The following RNF175 variants were observed in gnomAD, a reference collection of about 807,000 sequenced individuals.
RNF175 encodes ring finger protein 175.
RNF175 carries 38 observed loss-of-function variants against 50.0 expected under a neutral mutation model. That is an observed-to-expected ratio of 0.76 (90% CI 0.59 to 1.00). The LOEUF (loss-of-function observed/expected upper bound fraction) is 1.00, where lower values mean the gene tolerates loss of function less well. Among genes scored for constraint, RNF175 ranks in the 50% least tolerant of loss-of-function variants. The probability of loss-of-function intolerance (pLI) is 0.00; values close to 1 mark genes in which losing one functional copy is unlikely to be tolerated. For missense variants in RNF175, 388 were observed against 409.6 expected (o/e 0.95, Z 0.46); for synonymous variants, 155 against 146.1 (o/e 1.06, Z -0.44).
At chr4:153,755,486 CA>C (rs946286780) in intron 1 of RNF175, among the ~76,000 whole-genome samples, 1 of 151,602 alleles carries the variant, frequency 6.6e-6, no homozygotes, top group Non-Finnish European at 1.5e-5. Flanking sequence ...GAAAAACAAC[CA>C]AAAGCTCTTA....
intron 3 of RNF175, among the ~76,000 whole-genome samples, chr4:153,745,147 C>A (rs977200284): frequency 6.6e-6 from 1 of 152,178 alleles, no homozygotes; most frequent in African/African-American, 2.4e-5. Flanking sequence ...CCCTTTGCAA[C>A]ACTTCTCCAT....
At chr4:153,757,761 T>G (rs895762484) in intron 1 of RNF175, among the ~76,000 whole-genome samples, 2 of 151,924 alleles carry the variant, frequency 1.3e-5, no homozygotes, top group African/African-American at 2.4e-5. Context: ...GTCTCTGCTC[T>G]CACACTCCAA....
chr4:153,746,689 C>T (rs114095068), intron 3 of RNF175, among the ~76,000 whole-genome samples: 1,807 of 152,330 alleles, frequency 0.012, 40 homozygotes, highest in African/African-American at 0.039. Flanking sequence ...ATCCCCACCC[C>T]GAAGGGCTCC....
chr4:153,759,766 G>A, intron 1 of RNF175, 31 bp downstream of exon 1: 3 of 1,423,274 alleles, frequency 2.1e-6, no homozygotes, highest in Non-Finnish European at 2.8e-6. Context: ...CCGGCCTGGC[G>A]TCCCCCACGC....
At chr4:153,730,210 G>A (rs931569149) in intron 3 of RNF175, among the ~76,000 whole-genome samples, 19 of 152,056 alleles carry the variant, frequency 1.2e-4, no homozygotes, top group South Asian at 2.1e-4. Context: ...TTTGGGAGGC[G>A]GGGGTGGATG....
chr4:153,720,069 A>G, intron 6 of RNF175, 115 bp downstream of exon 6: 1 of 1,054,330 alleles, frequency 9.5e-7, no homozygotes, highest in Non-Finnish European at 1.3e-6. Flanking sequence ...AAAGGAAACA[A>G]TAATCAGTAT....
At chr4:153,730,444 G>A (rs150625743) in intron 3 of RNF175, among the ~76,000 whole-genome samples, 1,860 of 151,900 alleles carry the variant, frequency 0.012, 22 homozygotes, top group Non-Finnish European at 0.018. Flanking sequence ...AAAAAAAGTG[G>A]GTAGCACCTT....
chr4:153,748,446 C>T lies in RNF175; in HGVS notation c.246+199G>A, dbSNP rs78807852. 5.3e-3 allele frequency: 2,518 copies of T among 475,884 alleles called. 15 individuals carry two copies. Among genetic ancestry groups the T allele is most frequent in the Non-Finnish European group, 7.7e-3 (2,120 of 276,278 alleles). 29.5% of individuals were successfully genotyped at this position (475,884 alleles called of 1,614,324 possible). A position where few individuals can be genotyped will look rare whatever the true frequency, so the allele number is the denominator to read the frequency against. ...AACTCCCCTCCCCCTTTTCACCCCC[C>T]ACAAGTCTTGACAGTCAAAAATGTT... On this transcript the variant is annotated intron_variant, in intron 3 of 8. Transcript: ENST00000347063.
chr4:153,740,166 A>AT (rs147266829), intron 3 of RNF175, among the ~76,000 whole-genome samples: 23,712 of 147,080 alleles, frequency 0.16, 2,405 homozygotes, highest in East Asian at 0.38. Context: ...TTCTGGTACC[A>AT]TTTTTTTTTT....
At chr4:153,730,859 C>T (rs937506479) in intron 3 of RNF175, among the ~76,000 whole-genome samples, 2 of 152,156 alleles carry the variant, frequency 1.3e-5, no homozygotes, top group African/African-American at 4.8e-5. Flanking sequence ...TTTAATAAAA[C>T]CAGTTCTCTT....
chr4:153,748,904 G>C, intron 2 of RNF175, 118 bp from the exon 3 acceptor site: 1 of 930,828 alleles, frequency 1.1e-6, no homozygotes, highest in Non-Finnish European at 1.6e-6. Flanking sequence ...AAAAGCAACA[G>C]GGGATTTCAA....
At chr4:153,720,362 GT>G in intron 5 of RNF175, 58 bp from the exon 6 acceptor site, 2 of 1,490,662 alleles carry the variant, frequency 1.3e-6, no homozygotes, top group Non-Finnish European at 1.9e-6. Context: ...AACAGCTGGA[GT>G]TTGGAAAATA....
At chr4:153,748,352 T>G (rs998281449) in intron 3 of RNF175, 3 of 270,792 alleles carry the variant, frequency 1.1e-5, no homozygotes, top group Non-Finnish European at 2.1e-5. Flanking sequence ...ATTTTTGTTG[T>G]GGGGAGCTGT....
At chr4:153,759,652 C>T in intron 1 of RNF175, 145 bp downstream of exon 1, 1 of 513,308 alleles carries the variant, frequency 1.9e-6, no homozygotes, top group Non-Finnish European at 3.3e-6. Context: ...GAAGGTCATG[C>T]GTCCGTCCCC....
chr4:153,738,133 T>C (rs1739447268), intron 3 of RNF175, among the ~76,000 whole-genome samples: 1 of 152,164 alleles, frequency 6.6e-6, no homozygotes, highest in Admixed American at 6.6e-5. Context: ...CATTGCAGCA[T>C]TGACCTCCTG....
intron 1 of RNF175, among the ~76,000 whole-genome samples, chr4:153,755,211 C>T (rs1444584278): frequency 6.6e-6 from 1 of 152,262 alleles, no homozygotes; most frequent in African/African-American, 2.4e-5. Flanking sequence ...GGCAGCCAGA[C>T]ATGCCCCTTA....
At chr4:153,758,006 G>A (rs1176981944) in intron 1 of RNF175, among the ~76,000 whole-genome samples, 1 of 152,140 alleles carries the variant, frequency 6.6e-6, no homozygotes, top group African/African-American at 2.4e-5. Context: ...ATACAGGAGC[G>A]AGCAAGGCAG....
intron 6 of RNF175, among the ~76,000 whole-genome samples, chr4:153,718,841 G>A (rs1234550145): frequency 6.6e-6 from 1 of 152,176 alleles, no homozygotes; most frequent in Non-Finnish European, 1.5e-5. Context: ...GGAGGGGATG[G>A]ACAATTGCTG....
At chr4:153,757,006 A>T (rs1190165052) in intron 1 of RNF175, among the ~76,000 whole-genome samples, 1 of 151,996 alleles carries the variant, frequency 6.6e-6, no homozygotes, top group Non-Finnish European at 1.5e-5. Flanking sequence ...GAAATCCAAC[A>T]TGGCTCACAA....
Sources: allele counts gnomAD v4.1 joint callset (sites outside exome capture counted in the v4.1 genomes callset), GRCh38; gene constraint gnomAD v4.1.1; transcripts MANE v1.5; gene names NCBI Gene and HGNC (gene_info 2026-07-23, HGNC 2026-07-21).